C12orf76: variants seen among roughly 807,000 people sequenced by gnomAD.
C12orf76 encodes the protein chromosome 12 open reading frame 76.
Under a neutral mutation model 6.8 loss-of-function variants are expected in C12orf76, and 6 were observed. The observed-to-expected ratio is 0.88, with a 90% CI of 0.48 to 1.73. The LOEUF is 1.73. Among genes scored for constraint, C12orf76 ranks in the 40% most tolerant of loss-of-function variants. The pLI, the probability that C12orf76 is intolerant of heterozygous loss-of-function variation, is 0.01. For synonymous variants in C12orf76, 56 were observed against 43.7 expected (o/e 1.28, Z -1.11); for missense variants, 99 against 98.2 (o/e 1.01, Z -0.03).
chr12:110,063,923 C>T (rs12581188), intron 2 of C12orf76, among the ~76,000 whole-genome samples: 10,447 of 152,030 alleles, frequency 0.069, 589 homozygotes, highest in African/African-American at 0.15. Context: ...AACAAACAAA[C>T]GAACAAACAA....
At chr12:110,064,904 C>T (rs899382022) in intron 2 of C12orf76, among the ~76,000 whole-genome samples, 1 of 152,176 alleles carries the variant, frequency 6.6e-6, no homozygotes, top group Non-Finnish European at 1.5e-5. Context: ...AAGCCTCCAT[C>T]CTTGCCCCTC....
chr12:110,058,938 CA>C (rs1457234124), intron 3 of C12orf76: 23 of 1,475,474 alleles, frequency 1.6e-5, no homozygotes, highest in Non-Finnish European at 2.0e-5. Context: ...TCCCCCCCAC[CA>C]AAAAAATGAA....
upstream of C12orf76, chr12:110,050,640 A>G (rs977975330): frequency 1.7e-5 from 4 of 238,562 alleles, no homozygotes; most frequent in East Asian, 3.9e-4. Context: ...AATGTCAGGA[A>G]GTTACCCTAT....
chr12:110,068,319 G>GAAA (rs1566080279), upstream of C12orf76, among the ~76,000 whole-genome samples: 1 of 142,160 alleles, frequency 7.0e-6, no homozygotes, highest in African/African-American at 2.5e-5. Context: ...AGAAGAAGAA[G>GAAA]AAGAAGAAGA....
At chr12:110,071,750 C>T (rs1301052174), upstream of C12orf76, among the ~76,000 whole-genome samples, 1 of 152,006 alleles carries the variant, frequency 6.6e-6, no homozygotes, top group Non-Finnish European at 1.5e-5. Context: ...AAATCAGAAC[C>T]ACAATGAACT....
upstream of C12orf76, chr12:110,067,721 T>C: frequency 4.3e-6 from 1 of 229,942 alleles, no homozygotes; most frequent in Non-Finnish European, 7.2e-6. Context: ...AACCAGCACA[T>C]GACCCAGACT....
At chr12:110,052,068 AT>A (rs564047246), upstream of C12orf76, among the ~76,000 whole-genome samples, 10 of 146,636 alleles carry the variant, frequency 6.8e-5, no homozygotes, top group Admixed American at 5.4e-4. Context: ...AATTTTTTGT[AT>A]TTTTTTTTAG....
intron 2 of C12orf76, among the ~76,000 whole-genome samples, chr12:110,059,596 T>C (rs1892735260): frequency 6.6e-6 from 1 of 152,236 alleles, no homozygotes; most frequent in South Asian, 2.1e-4. Context: ...TCAAAGGGTG[T>C]GCACATTTTC....
chr12:110,068,318 A>AGAAGAAGAAGAG (rs1892915449), upstream of C12orf76, among the ~76,000 whole-genome samples: 2 of 142,588 alleles, frequency 1.4e-5, no homozygotes, highest in Non-Finnish European at 3.2e-5. Context: ...AAGAAGAAGA[A>AGAAGAAGAAGAG]GAAGAAGAAG....
At chr12:110,051,181 A>C, upstream of C12orf76, 1 of 778,688 alleles carries the variant, frequency 1.3e-6, no homozygotes, top group Non-Finnish European at 2.4e-6. Context: ...TGGCAGGCAC[A>C]GGAAAGCATC....
chr12:110,065,243 T>G lies in C12orf76; in HGVS notation n.380+617A>C, dbSNP rs536792186. 2.7e-3 allele frequency among the ~76,000 whole-genome samples: 417 copies of G among 151,734 alleles called. 6 individuals carry two copies. The highest frequency in any genetic ancestry group is 0.018 in the South Asian group (84 of 4,796). ...TGGAGTGCAGTGGTGCAATCTCGGC[T>G]CGCTGCAACCTCCGCCTCCTGGATT... On this transcript the variant is annotated intron_variant and non_coding_transcript_variant, in intron 2 of 4. Coordinates refer to the C12orf76 transcript ENST00000309050.
At chr12:110,043,937 G>C (rs1484597142) in intron 1 of C12orf76, among the ~76,000 whole-genome samples, 2 of 150,290 alleles carry the variant, frequency 1.3e-5, no homozygotes, top group African/African-American at 2.5e-5. Context: ...GCTCAGGTGA[G>C]AAATGGGAAC....
At chr12:110,051,486 G>C (rs1029309013), upstream of C12orf76, among the ~76,000 whole-genome samples, 11 of 151,662 alleles carry the variant, frequency 7.3e-5, no homozygotes, top group Non-Finnish European at 1.3e-4. Context: ...GAGTGCAGTG[G>C]TGTGATCTCG....
intron 2 of C12orf76, among the ~76,000 whole-genome samples, chr12:110,060,634 CG>C (rs372297663): frequency 1.1e-3 from 167 of 152,272 alleles, no homozygotes; most frequent in African/African-American, 3.9e-3. Flanking sequence ...AGCCCTTCTC[CG>C]GGGTCGGTTC....
chr12:110,048,424 C>T lies in C12orf76; in HGVS notation c.72G>A (p.Pro24=). ...TCCGCTCCAGCGGATCCACGGGGCTCGGGGCCTCTGCCTCCCCCACCAGGA... is the reference window on the plus strand; with the variant it reads ...TCCGCTCCAGCGGATCCACGGGGCTTGGGGCCTCTGCCTCCCCCACCAGGA... ...CSLLVGEAEA[P]SPVDPLERSR... Residue 24 remains proline (P), a synonymous_variant, in exon 1 of 2, where the codon CCG becomes CCA. Transcript: ENST00000615315. 6.6e-7 allele frequency: 1 copy of T among 1,513,854 alleles called. No individual in the cohort carries two copies. 93.8% of individuals were successfully genotyped at this position (1,513,854 alleles called of 1,614,324 possible). A position where few individuals can be genotyped will look rare whatever the true frequency, so the allele number is the denominator to read the frequency against.
chr12:110,062,245 TTGAG>T (rs1355222823), intron 2 of C12orf76, among the ~76,000 whole-genome samples: 4 of 152,234 alleles, frequency 2.6e-5, no homozygotes, highest in African/African-American at 9.6e-5. Context: ...GCCTGAGTGA[TTGAG>T]TGAGACTCCA....
intron 4 of C12orf76, among the ~76,000 whole-genome samples, chr12:110,055,223 T>C (rs946115903): frequency 5.9e-5 from 9 of 151,586 alleles, no homozygotes; most frequent in Admixed American, 3.3e-4. Flanking sequence ...GCTTTTTTTT[T>C]TTTTTTTTGA....
At chr12:110,067,651 C>T in exon 1 of C12orf76, 2 of 855,638 alleles carry the variant, frequency 2.3e-6, no homozygotes, top group South Asian at 5.3e-5. Flanking sequence ...ATTGGGATTA[C>T]AGGGGTGAGC....
Position 110,042,146 on chromosome 12 carries a change from C to G in C12orf76, c.*228G>C, listed in dbSNP as rs181702859. ...TTTCAGGTCTTACTTTTAACAAGTA[C>G]AGTCAGAAACACTGAGAAGCGGACT... On this transcript the variant is annotated 3_prime_UTR_variant, in exon 2 of 2. Transcript: ENST00000615315. The G allele has an allele frequency of 5.3e-6, 3 of 565,036 alleles. No individual in the cohort carries two copies. In the East Asian group the frequency reaches 8.6e-5, roughly 16 times the overall value. 35.0% of individuals were successfully genotyped at this position (565,036 alleles called of 1,614,324 possible). A position where few individuals can be genotyped will look rare whatever the true frequency, so the allele number is the denominator to read the frequency against.
Sources: gnomAD v4.1 joint callset for allele counts (sites outside exome capture counted in the v4.1 genomes callset) on GRCh38, gnomAD v4.1.1 for gene constraint, MANE v1.5 for transcripts, NCBI Gene and HGNC (gene_info 2026-07-23, HGNC 2026-07-21) for gene names.